Variants in MTUS2 observed in about 807,000 individuals in gnomAD.
The protein encoded by MTUS2 is microtubule-associated tumor suppressor candidate 2.
In MTUS2, 40 loss-of-function variants were observed where a neutral mutation model predicts 114.1. The ratio of observed to expected loss-of-function variants is 0.35; its 90% CI spans 0.27 to 0.46. The LOEUF (loss-of-function observed/expected upper bound fraction) is 0.46, where lower values mean the gene tolerates loss of function less well. MTUS2 is among the 20% of genes least tolerant of loss of function. MTUS2 has a pLI of 1.00. For missense variants in MTUS2, 1,679 were observed against 1,705.4 expected, an observed-to-expected ratio of 0.98 and a Z score of 0.27; for synonymous variants, 688 against 672.0, an observed-to-expected ratio of 1.02 and a Z score of -0.37.
intron 4 of MTUS2, among the ~76,000 whole-genome samples, chr13:29,065,947 CAGG>C (rs1434137017): frequency 6.6e-5 from 10 of 151,972 alleles, no homozygotes; most frequent in Non-Finnish European, 1.3e-4. Flanking sequence ...CCCCCTGGGT[CAGG>C]TTTCCTCCCG....
intron 5 of MTUS2, among the ~76,000 whole-genome samples, chr13:29,274,549 A>T (rs1378858358): frequency 6.6e-6 from 1 of 152,122 alleles, no homozygotes; most frequent in East Asian, 1.9e-4. Flanking sequence ...TATTTTTATT[A>T]TAGCTATTCT....
intron 7 of MTUS2, among the ~76,000 whole-genome samples, chr13:29,338,326 C>T (rs1236166378): frequency 6.6e-6 from 1 of 152,062 alleles, no homozygotes; most frequent in Non-Finnish European, 1.5e-5. Flanking sequence ...GTGGCTCACA[C>T]CTGTAATCCC....
chr13:29,114,006 C>T (rs968743363), intron 5 of MTUS2, among the ~76,000 whole-genome samples: 3 of 152,118 alleles, frequency 2.0e-5, no homozygotes, highest in Admixed American at 2.0e-4. Flanking sequence ...TGACACCTCC[C>T]CCTGTCTCTC....
intron 2 of MTUS2, among the ~76,000 whole-genome samples, chr13:29,010,426 G>A (rs747158714): frequency 3.3e-5 from 5 of 152,132 alleles, no homozygotes; most frequent in Non-Finnish European, 2.9e-5. Context: ...AATTTGTCCA[G>A]CATTACTTTA....
At chr13:29,194,753 C>T (rs1196627737) in intron 5 of MTUS2, among the ~76,000 whole-genome samples, 2 of 151,604 alleles carry the variant, frequency 1.3e-5, no homozygotes, top group Non-Finnish European at 2.9e-5. Flanking sequence ...GGGTATATAC[C>T]CAAAGGACTA....
At chr13:28,876,762 G>T (rs1281581777) in intron 2 of MTUS2, among the ~76,000 whole-genome samples, 1 of 152,084 alleles carries the variant, frequency 6.6e-6, no homozygotes, top group East Asian at 1.9e-4. Context: ...CAGAATCAGG[G>T]TTTCATTAGG....
At chr13:28,989,771 C>T (rs558919971) in intron 2 of MTUS2, among the ~76,000 whole-genome samples, 1 of 152,038 alleles carries the variant, frequency 6.6e-6, no homozygotes, top group African/African-American at 2.4e-5. Context: ...CCAGCTGCTG[C>T]ATGGGACTGC....
chr13:29,432,476 A>G (rs1877075353), intron 8 of MTUS2, among the ~76,000 whole-genome samples: 1 of 152,244 alleles, frequency 6.6e-6, no homozygotes, highest in Non-Finnish European at 1.5e-5. Context: ...ATAACTGACA[A>G]GCAAACAATA....
At chr13:29,311,101 A>C (rs556717067) in intron 6 of MTUS2, among the ~76,000 whole-genome samples, 40 of 152,232 alleles carry the variant, frequency 2.6e-4, no homozygotes, top group Non-Finnish European at 4.6e-4. Flanking sequence ...TACAATGTGT[A>C]GTAGAAATTG....
intron 5 of MTUS2, among the ~76,000 whole-genome samples, chr13:29,172,671 A>G (rs936491216): frequency 6.6e-6 from 1 of 152,204 alleles, no homozygotes; most frequent in Non-Finnish European, 1.5e-5. Flanking sequence ...AGAGACCCAG[A>G]CATGGGGACT....
chr13:29,260,511 A>G (rs34961544), intron 5 of MTUS2, among the ~76,000 whole-genome samples: 2,016 of 152,316 alleles, frequency 0.013, 28 homozygotes, highest in East Asian at 0.084. Flanking sequence ...GTCATTGCCA[A>G]TGTCTGATTT....
At chr13:28,944,468 C>T (rs1377424558) in intron 2 of MTUS2, among the ~76,000 whole-genome samples, 3 of 152,120 alleles carry the variant, frequency 2.0e-5, no homozygotes, top group African/African-American at 7.2e-5. Context: ...TTACAGAGTG[C>T]TAGCTAGTAA....
intron 5 of MTUS2, among the ~76,000 whole-genome samples, chr13:29,173,123 T>C (rs2139126494): frequency 6.6e-6 from 1 of 152,286 alleles, no homozygotes; most frequent in African/African-American, 2.4e-5. Flanking sequence ...TGTTCTATAA[T>C]AACTTATTTT....
At chr13:29,276,209 T>C (rs1295038919) in intron 5 of MTUS2, among the ~76,000 whole-genome samples, 1 of 152,192 alleles carries the variant, frequency 6.6e-6, no homozygotes, top group Non-Finnish European at 1.5e-5. Context: ...CCCCGAGGAT[T>C]TGATGCTGAA....
chr13:29,382,411 G>A (rs557315121), intron 8 of MTUS2, among the ~76,000 whole-genome samples: 2 of 152,156 alleles, frequency 1.3e-5, no homozygotes, highest in African/African-American at 2.4e-5. Flanking sequence ...GCGTGAAGTC[G>A]ATGGGTGGTG....
At chr13:29,459,956 C>T (rs1330626255) in intron 9 of MTUS2, among the ~76,000 whole-genome samples, 1 of 152,216 alleles carries the variant, frequency 6.6e-6, no homozygotes, top group Non-Finnish European at 1.5e-5. Flanking sequence ...CTGGAAGACT[C>T]AAGTCCACCA....
chr13:29,176,647 CTCTTT>C (rs1893784799), intron 5 of MTUS2, among the ~76,000 whole-genome samples: 1 of 152,210 alleles, frequency 6.6e-6, no homozygotes, highest in African/African-American at 2.4e-5. Flanking sequence ...TCCCCCAGGC[CTCTTT>C]TATAAGTTCA....
chr13:28,973,751 AAAAT>A (rs766531739), intron 2 of MTUS2, among the ~76,000 whole-genome samples: 5 of 152,232 alleles, frequency 3.3e-5, no homozygotes, highest in Non-Finnish European at 7.3e-5. Flanking sequence ...AGTCACAAGA[AAAAT>A]AAAGCATGTG....
At chr13:29,148,472 CTTTTTTTTTTTTTT>C (rs976334425) in intron 5 of MTUS2, among the ~76,000 whole-genome samples, 1 of 71,352 alleles carries the variant, frequency 1.4e-5, no homozygotes, top group African/African-American at 5.3e-5. Flanking sequence ...GTTTGGTTTT[CTTTTTTTTTTTTTT>C]TTTTTTTTTT....
Sources: gnomAD v4.1 joint callset for allele counts (sites outside exome capture counted in the v4.1 genomes callset) on GRCh38, gnomAD v4.1.1 for gene constraint, MANE v1.5 for transcripts, NCBI Gene and HGNC (gene_info 2026-07-23, HGNC 2026-07-21) for gene names.